The following WARS2 variants were observed in gnomAD, a reference collection of about 807,000 sequenced individuals.
WARS2 encodes tryptophan--tRNA ligase, mitochondrial.
A neutral mutation model predicts 36.5 loss-of-function variants in WARS2; 28 were observed. That is an observed-to-expected ratio of 0.77 (90% CI 0.57 to 1.05). The LOEUF is 1.05. Among genes scored for constraint, WARS2 ranks in the 50% least tolerant of loss-of-function variants. WARS2 has a pLI of 0.00. For missense variants in WARS2, 435 were observed against 456.8 expected (o/e 0.95, Z 0.44); for synonymous variants, 174 against 178.4 (o/e 0.98, Z 0.20).
intron 3 of WARS2, 94 bp from the exon 4 acceptor site, chr1:119,042,443 A>G: frequency 8.5e-7 from 1 of 1,180,944 alleles, no homozygotes; most frequent in South Asian, 1.3e-5. Context: ...AAACAAGCAA[A>G]TTGTGATCTG....
At chr1:119,038,103 A>G (rs922831761) in intron 4 of WARS2, among the ~76,000 whole-genome samples, 4 of 152,150 alleles carry the variant, frequency 2.6e-5, no homozygotes, top group Admixed American at 6.5e-5. Context: ...TCTCCCTTCT[A>G]TGCTACCTCT....
At position 119,058,682 on chromosome 1, in the gene WARS2, C is replaced by A. The variant is rs1272169909; in HGVS notation, c.349-13020G>T. ...CATAGGATTCCATGGTGTATATGTG[C>A]CACATTTTCTTAATCCAGTCTATCA... On this transcript the variant is annotated intron_variant, in intron 2 of 5. Coordinates refer to ENST00000235521, the MANE Select transcript of WARS2 (RefSeq NM_015836.4). Among the ~76,000 whole-genome samples the A allele has an allele frequency of 1.6e-5, 2 of 124,680 alleles. 1 individual carries two copies. The highest frequency in any genetic ancestry group is 7.7e-5 in the African/African-American group (2 of 25,886). The allele number at this position is 124,680 out of a possible 152,430, so 81.8% of individuals were successfully genotyped here.
Position 119,041,524 on chromosome 1 carries a change from C to T in WARS2, c.515+740G>A, listed in dbSNP as rs376290104. Among the ~76,000 whole-genome samples the T allele has an allele frequency of 3.8e-4, 58 of 152,280 alleles. 1 individual carries two copies. Among genetic ancestry groups the T allele is most frequent in the Middle Eastern group, 6.8e-3 (2 of 294 alleles). On this transcript the variant is annotated intron_variant, in intron 4 of 5. Coordinates refer to ENST00000235521, the MANE Select transcript of WARS2 (RefSeq NM_015836.4). The stretch of plus-strand genomic sequence containing the variant: ...CCCTACATCATATTTTAAAAACTTG[C>T]TCTCAACCTGTAGGTCTAATACAGT...
intron 1 of WARS2, among the ~76,000 whole-genome samples, chr1:119,132,087 A>G (rs1322982728): frequency 6.6e-6 from 1 of 152,178 alleles, no homozygotes; most frequent in African/African-American, 2.4e-5. Flanking sequence ...AAATCTACAT[A>G]AAATTCTTAC....
At chr1:119,041,921 G>A (rs1648401422) in intron 4 of WARS2, among the ~76,000 whole-genome samples, 1 of 152,084 alleles carries the variant, frequency 6.6e-6, no homozygotes, top group Non-Finnish European at 1.5e-5. Flanking sequence ...TTCTCCATCT[G>A]TAAAATCGGG....
intron 2 of WARS2, among the ~76,000 whole-genome samples, chr1:119,066,480 A>G (rs1215255643): frequency 1.3e-5 from 2 of 149,752 alleles, no homozygotes; most frequent in African/African-American, 4.9e-5. Flanking sequence ...TCTGTCTCAA[A>G]AAAAAAAAAA....
chr1:119,039,683 C>T (rs939652622), intron 4 of WARS2, among the ~76,000 whole-genome samples: 1 of 152,114 alleles, frequency 6.6e-6, no homozygotes. Context: ...CCAAGTTCTG[C>T]CAAAATAGTT....
chr1:119,088,970 T>G (rs761619264), intron 1 of WARS2, among the ~76,000 whole-genome samples: 12 of 152,192 alleles, frequency 7.9e-5, no homozygotes, highest in Non-Finnish European at 2.9e-5. Context: ...GTGGGTCTCA[T>G]GGTTAGCTCA....
chr1:119,036,824 T>C (rs1256760075), intron 4 of WARS2, among the ~76,000 whole-genome samples: 2 of 152,234 alleles, frequency 1.3e-5, no homozygotes, highest in Non-Finnish European at 1.5e-5. Flanking sequence ...AATTTTAATC[T>C]TTTTCATCTG....
intron 2 of WARS2, among the ~76,000 whole-genome samples, chr1:119,054,658 C>T (rs1216529213): frequency 6.6e-6 from 1 of 152,080 alleles, no homozygotes; most frequent in East Asian, 1.9e-4. Context: ...CCCAAATGTC[C>T]ATTATAAGAT....
intron 1 of WARS2, among the ~76,000 whole-genome samples, chr1:119,130,847 G>A (rs758010477): frequency 2.0e-5 from 3 of 151,988 alleles, no homozygotes; most frequent in Admixed American, 6.6e-5. Context: ...TCACAGCCAC[G>A]GCTCAACAGG....
At chr1:119,070,234 A>G (rs558230627) in intron 2 of WARS2, among the ~76,000 whole-genome samples, 95 of 152,250 alleles carry the variant, frequency 6.2e-4, no homozygotes, top group Middle Eastern at 6.8e-3. Context: ...GAAGTCATAT[A>G]CATGAAATAG....
In WARS2 at chr1:119,076,418, C is replaced by T; in HGVS notation, c.280G>A (p.Asp94Asn). Reference sequence around the variant, plus strand: ...CAGGCAAGAAGAACAGCAGTCATGTCCAGGATGCTCTGCCGAAGGACAGCT... The same window carrying T: ...CAGGCAAGAAGAACAGCAGTCATGTTCAGGATGCTCTGCCGAAGGACAGCT... ...DPAVLRQSIL[D>N]MTAVLLACGI... The change falls in exon 2 of 6, where the codon GAC becomes AAC. Residue 94 changes from aspartate (D) to asparagine (N), a missense_variant. Transcript: ENST00000235521. The T allele has an allele frequency of 1.2e-6, 2 of 1,614,040 alleles. No individual in the cohort carries two copies. The highest frequency in any genetic ancestry group is 2.2e-5 in the South Asian group (2 of 91,056).
chr1:119,090,354 A>T (rs757446618), intron 1 of WARS2, among the ~76,000 whole-genome samples: 1 of 152,152 alleles, frequency 6.6e-6, no homozygotes, highest in Non-Finnish European at 1.5e-5. Context: ...TTCCTTGTAC[A>T]AATCACGGAA....
intron 1 of WARS2, among the ~76,000 whole-genome samples, chr1:119,115,637 C>T (rs1654913389): frequency 1.3e-5 from 2 of 152,142 alleles, no homozygotes; most frequent in Non-Finnish European, 2.9e-5. Flanking sequence ...CAGGGATATA[C>T]AATACAAAAA....
At chr1:119,070,959 G>T (rs975264468) in intron 2 of WARS2, among the ~76,000 whole-genome samples, 4 of 152,010 alleles carry the variant, frequency 2.6e-5, no homozygotes, top group African/African-American at 7.2e-5. Flanking sequence ...AAGGTGGACA[G>T]ATCATTTGAG....
intron 2 of WARS2, among the ~76,000 whole-genome samples, chr1:119,069,857 G>T (rs1016345237): frequency 6.6e-6 from 1 of 152,098 alleles, no homozygotes; most frequent in African/African-American, 2.4e-5. Flanking sequence ...AATAATGAGG[G>T]CCTTGAGGTC....
At chr1:119,119,624 C>T (rs1655207401) in intron 1 of WARS2, among the ~76,000 whole-genome samples, 1 of 152,022 alleles carries the variant, frequency 6.6e-6, no homozygotes, top group Non-Finnish European at 1.5e-5. Flanking sequence ...TTCATCAGCA[C>T]ATGGAACATC....
chr1:119,140,298 G>C (rs1398322944), intron 1 of WARS2: 1 of 358,482 alleles, frequency 2.8e-6, no homozygotes, highest in East Asian at 4.4e-5. Context: ...GCGGCGCTCC[G>C]CTCCCAGAAC....
Sources: gnomAD v4.1 joint callset for allele counts (sites outside exome capture counted in the v4.1 genomes callset) on GRCh38, gnomAD v4.1.1 for gene constraint, MANE v1.5 for transcripts, NCBI Gene and HGNC (gene_info 2026-07-23, HGNC 2026-07-21) for gene names.